The following LRRTM4 variants were observed in gnomAD, a reference collection of about 807,000 sequenced individuals.
LRRTM4 encodes the protein leucine rich repeat transmembrane neuronal 4, also known as leucine-rich repeat transmembrane neuronal protein 4.
A neutral mutation model predicts 47.6 loss-of-function variants in LRRTM4; 25 were observed. That is an observed-to-expected ratio of 0.53 (90% CI 0.38 to 0.73). LRRTM4 has a LOEUF of 0.73. Ranked by LOEUF, LRRTM4 falls within the 30% of genes least tolerant of loss-of-function variation. The pLI, the probability that LRRTM4 is intolerant of heterozygous loss-of-function variation, is 0.00. For missense variants in LRRTM4, 638 were observed against 713.4 expected (o/e 0.89, Z 1.20); for synonymous variants, 311 against 269.5 (o/e 1.15, Z -1.51).
intron 3 of LRRTM4, among the ~76,000 whole-genome samples, chr2:77,159,677 G>T (rs575726319): frequency 6.6e-6 from 1 of 152,134 alleles, no homozygotes; most frequent in South Asian, 2.1e-4. Context: ...GTTTGGTCTT[G>T]CAGTCTCAGG....
chr2:77,427,672 G>A (rs1164420234), intron 3 of LRRTM4, among the ~76,000 whole-genome samples: 1 of 152,090 alleles, frequency 6.6e-6, no homozygotes, highest in Non-Finnish European at 1.5e-5. Context: ...TATATGATTT[G>A]GCCATCAGCT....
rs531382320 is a variant in LRRTM4 at position 77,182,695 on chromosome 2, C to T, written c.1551+335623G>A. Among the ~76,000 whole-genome samples, 123 of 152,260 alleles carry T rather than the reference C, an allele frequency of 8.1e-4. 1 individual carries two copies. Among genetic ancestry groups the T allele is most frequent in the African/African-American group, 2.4e-3 (101 of 41,552 alleles). On this transcript the variant is annotated intron_variant, in intron 3 of 3. Coordinates refer to ENST00000409884, the MANE Select transcript of LRRTM4 (RefSeq NM_001134745.3). Reference sequence around the variant, plus strand: ...TCCTGCCTGATTGCCCTGGCCAGAACTTCCAACACTATGTTGAATAGGAGT... The same window carrying T: ...TCCTGCCTGATTGCCCTGGCCAGAATTTCCAACACTATGTTGAATAGGAGT...
At chr2:77,160,332 T>C (rs1672677422) in intron 3 of LRRTM4, among the ~76,000 whole-genome samples, 1 of 152,160 alleles carries the variant, frequency 6.6e-6, no homozygotes, top group Non-Finnish European at 1.5e-5. Flanking sequence ...TTCCAGAGCA[T>C]TGACAACACT....
chr2:77,182,429 TG>T (rs1187734724), intron 3 of LRRTM4, among the ~76,000 whole-genome samples: 4 of 151,926 alleles, frequency 2.6e-5, no homozygotes, highest in Non-Finnish European at 5.9e-5. Context: ...TGTTGGAAGT[TG>T]GGGGTGAGGG....
intron 3 of LRRTM4, among the ~76,000 whole-genome samples, chr2:77,111,417 G>A (rs905860437): frequency 2.6e-5 from 4 of 151,494 alleles, no homozygotes; most frequent in Non-Finnish European, 4.4e-5. Context: ...ATGAGCCACC[G>A]CGCCTGGCCA....
chr2:77,351,920 C>T (rs1188209297), intron 3 of LRRTM4, among the ~76,000 whole-genome samples: 3 of 152,018 alleles, frequency 2.0e-5, no homozygotes, highest in Non-Finnish European at 4.4e-5. Context: ...TGATAATACT[C>T]TGCTTTTCAA....
chr2:77,310,196 C>T (rs916958294), intron 3 of LRRTM4, among the ~76,000 whole-genome samples: 29 of 152,054 alleles, frequency 1.9e-4, no homozygotes, highest in African/African-American at 6.5e-4. Flanking sequence ...TGTGTATGTA[C>T]GGGGAAGGAC....
At chr2:77,015,526 A>G (rs1039903982) in intron 3 of LRRTM4, among the ~76,000 whole-genome samples, 1 of 151,898 alleles carries the variant, frequency 6.6e-6, no homozygotes, top group Non-Finnish European at 1.5e-5. Context: ...GGATTTCACC[A>G]TGTTGGTCAG....
intron 3 of LRRTM4, among the ~76,000 whole-genome samples, chr2:76,759,818 G>A (rs151256678): frequency 0.013 from 1,984 of 152,030 alleles, 26 homozygotes; most frequent in Non-Finnish European, 0.02. Context: ...GCTTCTAGAG[G>A]GGCCTTCTCT....
chr2:77,072,119 CAG>C (rs1471242660), intron 3 of LRRTM4, among the ~76,000 whole-genome samples: 5 of 152,044 alleles, frequency 3.3e-5, no homozygotes, highest in African/African-American at 7.2e-5. Flanking sequence ...CTGAAAAACT[CAG>C]AGTCATAAGA....
At chr2:77,426,115 C>CAA (rs149112731) in intron 3 of LRRTM4, among the ~76,000 whole-genome samples, 12 of 119,492 alleles carry the variant, frequency 1.0e-4, no homozygotes, top group East Asian at 7.3e-4. Context: ...GAGACACCGT[C>CAA]AAAAAAAAAA....
At chr2:77,211,528 T>C (rs2103923527) in intron 3 of LRRTM4, among the ~76,000 whole-genome samples, 1 of 152,314 alleles carries the variant, frequency 6.6e-6, no homozygotes, top group Non-Finnish European at 1.5e-5. Context: ...ACAAAGTATT[T>C]TAAGGAAAAT....
chr2:76,831,421 G>A (rs1314325387), intron 3 of LRRTM4, among the ~76,000 whole-genome samples: 2 of 152,086 alleles, frequency 1.3e-5, no homozygotes, highest in African/African-American at 2.4e-5. Flanking sequence ...ACACCACCTG[G>A]TATTGCTTTG....
At chr2:76,996,398 A>G (rs1329390544) in intron 3 of LRRTM4, among the ~76,000 whole-genome samples, 3 of 152,102 alleles carry the variant, frequency 2.0e-5, no homozygotes, top group Non-Finnish European at 2.9e-5. Context: ...TTAGAGTCCT[A>G]TAAAGTGTTC....
At chr2:76,821,968 G>C (rs975209568) in intron 3 of LRRTM4, among the ~76,000 whole-genome samples, 3 of 151,564 alleles carry the variant, frequency 2.0e-5, no homozygotes, top group Non-Finnish European at 4.4e-5. Flanking sequence ...GGGATACTAA[G>C]AAAGTTAATC....
intron 3 of LRRTM4, among the ~76,000 whole-genome samples, chr2:77,267,636 A>G (rs1423588475): frequency 1.3e-5 from 2 of 152,154 alleles, no homozygotes; most frequent in African/African-American, 4.8e-5. Flanking sequence ...CACTCACTTC[A>G]TAACACCATT....
chr2:77,087,243 T>C (rs769567564), intron 3 of LRRTM4, among the ~76,000 whole-genome samples: 2 of 152,182 alleles, frequency 1.3e-5, no homozygotes, highest in African/African-American at 4.8e-5. Flanking sequence ...GAAAGGCCTA[T>C]TTCCTAAGTG....
intron 3 of LRRTM4, among the ~76,000 whole-genome samples, chr2:77,475,948 T>C (rs1677371284): frequency 6.6e-6 from 1 of 152,016 alleles, no homozygotes; most frequent in Non-Finnish European, 1.5e-5. Context: ...GGTCTACTTT[T>C]TCTATTTAAT....
chr2:77,468,604 C>T (rs558736440), intron 3 of LRRTM4, among the ~76,000 whole-genome samples: 9 of 152,296 alleles, frequency 5.9e-5, no homozygotes, highest in East Asian at 5.8e-4. Context: ...CCATGCAGCA[C>T]GGTGAATGCC....
Sources: allele counts gnomAD v4.1 joint callset (sites outside exome capture counted in the v4.1 genomes callset), GRCh38; gene constraint gnomAD v4.1.1; transcripts MANE v1.5; gene names NCBI Gene and HGNC (gene_info 2026-07-23, HGNC 2026-07-21).